VLDLR: variants seen among roughly 807,000 people sequenced by gnomAD.
VLDLR encodes very low-density lipoprotein receptor.
In VLDLR, 81 loss-of-function variants were observed where a neutral mutation model predicts 112.7. The ratio of observed to expected loss-of-function variants is 0.72; its 90% CI spans 0.60 to 0.86. The LOEUF (loss-of-function observed/expected upper bound fraction) is 0.86, where lower values mean the gene tolerates loss of function less well. Ranked by LOEUF, VLDLR falls within the 40% of genes least tolerant of loss-of-function variation. VLDLR has a pLI of 0.00. For synonymous variants in VLDLR, 436 were observed against 384.8 expected, an observed-to-expected ratio of 1.13 and a Z score of -1.56; for missense variants, 1,237 against 1,099.4, an observed-to-expected ratio of 1.13 and a Z score of -1.77.
At chr9:2,649,952 C>G (rs1203952907) in intron 14 of VLDLR, among the ~76,000 whole-genome samples, 2 of 152,114 alleles carry the variant, frequency 1.3e-5, no homozygotes, top group Admixed American at 1.3e-4. Context: ...CTAAATAAAG[C>G]CTTCAAACCT....
intron 14 of VLDLR, among the ~76,000 whole-genome samples, chr9:2,649,979 C>T (rs1818248427): frequency 6.6e-6 from 1 of 152,156 alleles, no homozygotes; most frequent in Non-Finnish European, 1.5e-5. Context: ...GGCTGAGTTT[C>T]CTTCCACTTT....
intron 3 of VLDLR, 59 bp downstream of exon 3, chr9:2,640,040 T>C: frequency 6.2e-7 from 1 of 1,613,666 alleles, no homozygotes; most frequent in Non-Finnish European, 8.5e-7. Flanking sequence ...CTAACATTTC[T>C]AAGTATTGCT....
chr9:2,649,854 CCT>C (rs1419033784), intron 14 of VLDLR, among the ~76,000 whole-genome samples: 1 of 152,170 alleles, frequency 6.6e-6, no homozygotes, highest in African/African-American at 2.4e-5. Context: ...CTACTTTCCC[CCT>C]GTGACACACC....
chr9:2,644,791 T>C lies in VLDLR; in HGVS notation c.1124T>C (p.Val375Ala). The stretch of plus-strand genomic sequence containing the variant: ...TGTTCTCATATCTGCAAAGACCTAG[T>C]TATAGGCTACGAGTGTGACTGTGCA... ...GGCSHICKDL[V>A]IGYECDCAAG... Residue 375 changes from valine to alanine, a missense_variant, in exon 8 of 19, where the codon GTT becomes GCT. By Grantham distance (64) the Val-to-Ala change is moderately conservative (BLOSUM62 0). Coordinates refer to ENST00000382100, the MANE Select transcript of VLDLR (RefSeq NM_003383.5). The C allele has an allele frequency of 6.2e-7, 1 of 1,614,216 alleles. No individual in the cohort carries two copies. The highest frequency in any genetic ancestry group is 1.1e-5 in the South Asian group (1 of 91,078).
Position 2,622,159 on chromosome 9 carries a change from C to T in VLDLR, c.-31C>T. The T allele has an allele frequency of 1.4e-6, 2 of 1,473,686 alleles. No individual in the cohort carries two copies. Among genetic ancestry groups the T allele is most frequent in the East Asian group, 2.7e-5 (1 of 36,526 alleles). The allele number at this position is 1,473,686 out of a possible 1,614,324, so 91.3% of individuals were successfully genotyped here. A position where few individuals can be genotyped will look rare whatever the true frequency, so the allele number is the denominator to read the frequency against. ...CGTGCGGAGCGAACGGCGGCGGCGGCGGCGGCGGCGGCACCATCCAGGCGG... is the reference window on the plus strand; with the variant it reads ...CGTGCGGAGCGAACGGCGGCGGCGGTGGCGGCGGCGGCACCATCCAGGCGG... On this transcript the variant is annotated 5_prime_UTR_variant, in exon 1 of 19. Coordinates refer to ENST00000382100, the MANE Select transcript of VLDLR (RefSeq NM_003383.5).
chr9:2,648,460 T>C (rs1818167476), intron 13 of VLDLR, 113 bp downstream of exon 13: 1 of 1,556,212 alleles, frequency 6.4e-7, no homozygotes, highest in Admixed American at 1.7e-5. Context: ...CTTGAGAAAC[T>C]GCTTTCACTT....
chr9:2,623,341 C>G (rs1321992544), intron 1 of VLDLR, among the ~76,000 whole-genome samples: 1 of 152,196 alleles, frequency 6.6e-6, no homozygotes, highest in Non-Finnish European at 1.5e-5. Context: ...AGCGCGTCCC[C>G]GAAGTGATCT....
intron 2 of VLDLR, among the ~76,000 whole-genome samples, chr9:2,639,343 C>G (rs1012554211): frequency 2.0e-5 from 3 of 152,132 alleles, no homozygotes; most frequent in African/African-American, 7.2e-5. Context: ...GGGGGCTCCA[C>G]CCTCATGACT....
At position 2,621,880 on chromosome 9, in the gene VLDLR, C is replaced by G; in HGVS notation, c.-310C>G. The G allele has an allele frequency of 1.7e-6, 1 of 601,354 alleles. No individual in the cohort carries two copies. Among genetic ancestry groups the G allele is most frequent in the East Asian group, 3.6e-5 (1 of 28,154 alleles). 37.3% of individuals were successfully genotyped at this position (601,354 alleles called of 1,614,324 possible). ...CTGCTCTCGGCTCCCCACCCCCTCT[C>G]CCTTCCCTCCTCTCCCCTTGCCTCC... is the stretch of plus-strand genomic sequence containing the variant. On this transcript the variant is annotated 5_prime_UTR_variant, in exon 1 of 19. Coordinates refer to ENST00000382100, the MANE Select transcript of VLDLR (RefSeq NM_003383.5).
At chr9:2,651,836 C>T (rs758883293) in intron 16 of VLDLR, 38 bp from the exon 17 acceptor site, 4 of 1,610,942 alleles carry the variant, frequency 2.5e-6, no homozygotes, top group Non-Finnish European at 3.4e-6. Context: ...AGTCTGAATA[C>T]AGATCCTTCT....
chr9:2,651,440 T>C lies in VLDLR; in HGVS notation c.2277T>C (p.Ser759=). ...GTACTGCAACTACTGTGACTTACAG[T>C]GAGACAAAAGATACGAACACAACAG... ...CQSTATTVTY[S]ETKDTNTTEI... is the part of the protein sequence containing the mutation. Residue 759 remains serine, a synonymous_variant, in exon 16 of 19, where the codon AGT becomes AGC. Coordinates refer to ENST00000382100, the MANE Select transcript of VLDLR (RefSeq NM_003383.5). 6.2e-7 allele frequency: 1 copy of C among 1,613,978 alleles called. No individual in the cohort carries two copies. Among genetic ancestry groups the C allele is most frequent in the Non-Finnish European group, 8.5e-7 (1 of 1,179,954 alleles).
chr9:2,635,376 G>A lies in VLDLR; in HGVS notation c.83-77G>A, dbSNP rs990749813. The A allele has an allele frequency of 1.1e-5, 17 of 1,607,242 alleles. No homozygotes were observed. The African/African-American group carries it at 2.3e-4, about 22-fold the overall frequency. On this transcript the variant is annotated intron_variant, in intron 1 of 18. Coordinates refer to ENST00000382100, the MANE Select transcript of VLDLR (RefSeq NM_003383.5). Reference sequence around the variant, plus strand: ...GAGTCTGCAGTATCCTTCTGAGAAGGTCCCCATCCATGGGTATTAGGTATC... The same window carrying A: ...GAGTCTGCAGTATCCTTCTGAGAAGATCCCCATCCATGGGTATTAGGTATC...
At chr9:2,630,601 T>A (rs1478659798) in intron 1 of VLDLR, among the ~76,000 whole-genome samples, 1 of 152,206 alleles carries the variant, frequency 6.6e-6, no homozygotes, top group African/African-American at 2.4e-5. Context: ...TAGGGAGATT[T>A]GTAGTCCGTT....
intron 1 of VLDLR, among the ~76,000 whole-genome samples, chr9:2,632,709 A>G (rs1817409257): frequency 6.6e-6 from 1 of 151,990 alleles, no homozygotes; most frequent in African/African-American, 2.4e-5. Flanking sequence ...TGAACAGAAA[A>G]CTTAACAGTG....
Position 2,647,536 on chromosome 9 carries a change from T to G in VLDLR, c.1766T>G (p.Phe589Cys). The change falls in exon 12 of 19, where the codon TTC becomes TGC. Residue 589 changes from phenylalanine to cysteine, a missense_variant. Phe to Cys is a radical substitution (Grantham distance 205, BLOSUM62 -2). Coordinates refer to ENST00000382100, the MANE Select transcript of VLDLR (RefSeq NM_003383.5). ...AKIEKAGMNG[F>C]DRRPLVTADI... ...ATAGAAAAAGCAGGAATGAATGGAT[T>G]CGATAGACGTCCACTGGTGACAGCG... 6.2e-7 allele frequency: 1 copy of G among 1,614,208 alleles called. No individual in the cohort carries two copies. The highest frequency in any genetic ancestry group is 8.5e-7 in the Non-Finnish European group (1 of 1,180,018).
rs1816817347 is a variant in VLDLR at position 2,622,145 on chromosome 9, AACGGCGGCG to A, written c.-44_-36del. Reference sequence around the variant, plus strand: ...GACTGGTAACTTGTCGTGCGGAGCGAACGGCGGCGGCGGCGGCGGCGGCGGCACCATCCA... The same window carrying A: ...GACTGGTAACTTGTCGTGCGGAGCGAGCGGCGGCGGCGGCGGCACCATCCA... On this transcript the variant is annotated 5_prime_UTR_variant, in exon 1 of 19. Coordinates refer to ENST00000382100, the MANE Select transcript of VLDLR (RefSeq NM_003383.5). 7.3e-7 allele frequency: 1 copy of A among 1,373,796 alleles called. No homozygotes were observed. Among genetic ancestry groups the A allele is most frequent in the Non-Finnish European group, 9.5e-7 (1 of 1,048,360 alleles). The allele number at this position is 1,373,796 out of a possible 1,614,324, so 85.1% of individuals were successfully genotyped here.
At position 2,639,861 on chromosome 9, in the gene VLDLR, A is replaced by C; in HGVS notation, c.205A>C (p.Lys69Gln). The C allele has an allele frequency of 1.2e-6, 2 of 1,614,096 alleles. No homozygotes were observed. The highest frequency in any genetic ancestry group is 1.7e-6 in the Non-Finnish European group (2 of 1,180,002). ...VDGSDEKNCV[K>Q]KTCAESDFVC... is the part of the protein sequence containing the mutation. The stretch of plus-strand genomic sequence containing the variant: ...ACCCTTCAAATAAACGTTTGTAGTA[A>C]AGAAGACGTGTGCTGAATCTGACTT... Residue 69 changes from lysine to glutamine, a missense_variant and splice_region_variant, in exon 3 of 19, where the codon AAG (lysine) becomes CAG (glutamine). Lys to Gln is a moderately conservative substitution (Grantham distance 53, BLOSUM62 1). Coordinates refer to ENST00000382100, the MANE Select transcript of VLDLR (RefSeq NM_003383.5).
intron 8 of VLDLR, 48 bp from the exon 9 acceptor site, chr9:2,644,909 C>A (rs1232899782): frequency 6.2e-7 from 1 of 1,613,946 alleles, no homozygotes; most frequent in East Asian, 2.2e-5. Context: ...ATAGTATGTA[C>A]CTAGTAAGGT....
At chr9:2,637,410 T>G (rs1230621091) in intron 2 of VLDLR, among the ~76,000 whole-genome samples, 1 of 152,236 alleles carries the variant, frequency 6.6e-6, no homozygotes, top group East Asian at 1.9e-4. Context: ...CTGAGCTAAT[T>G]AATCAGCAAC....
Sources: gnomAD v4.1 joint callset for allele counts (sites outside exome capture counted in the v4.1 genomes callset) on GRCh38, gnomAD v4.1.1 for gene constraint, MANE v1.5 for transcripts, NCBI Gene and HGNC (gene_info 2026-07-23, HGNC 2026-07-21) for gene names.